RNF114: variants seen among roughly 807,000 people sequenced by gnomAD.
The protein encoded by RNF114 is ring finger protein 114, also known as E3 ubiquitin-protein ligase RNF114.
Under a neutral mutation model 28.4 loss-of-function variants are expected in RNF114, and 6 were observed. The ratio of observed to expected loss-of-function variants is 0.21; its 90% confidence interval spans 0.12 to 0.42. The LOEUF (loss-of-function observed/expected upper bound fraction) is 0.42. RNF114 is among the 10% of genes least tolerant of loss of function. The pLI, the probability that RNF114 is intolerant of heterozygous loss-of-function variation, is 1.00. For missense variants in RNF114, 249 were observed against 311.7 expected (o/e 0.80, Z 1.51); for synonymous variants, 115 against 116.7 (o/e 0.99, Z 0.09).
intron 4 of RNF114, among the ~76,000 whole-genome samples, chr20:49,948,674 G>A (rs1469222679): frequency 6.6e-6 from 1 of 151,964 alleles, no homozygotes; most frequent in East Asian, 1.9e-4. Context: ...CTGACCTCAG[G>A]TGATCTACCG....
At chr20:49,948,181 G>C (rs553099621) in intron 4 of RNF114, among the ~76,000 whole-genome samples, 1 of 152,194 alleles carries the variant, frequency 6.6e-6, no homozygotes, top group East Asian at 1.9e-4. Flanking sequence ...TAGCTCCCCA[G>C]CTACAGCTGC....
At chr20:49,943,407 G>GT (rs1206162438) in intron 2 of RNF114, among the ~76,000 whole-genome samples, 1 of 152,106 alleles carries the variant, frequency 6.6e-6, no homozygotes, top group African/African-American at 2.4e-5. Flanking sequence ...GGAGGCTGAG[G>GT]TGGGAAGATT....
Position 49,936,400 on chromosome 20 carries a change from G to T in RNF114, c.-13G>T. On this transcript the variant is annotated 5_prime_UTR_variant, in exon 1 of 6. Transcript: ENST00000244061. ...TCATCGGCCGCCGTTGCGCGGCGCA[G>T]AGCGGCAGCAAGATGGCGGCGCAAC... 6.7e-7 allele frequency: 1 copy of T among 1,495,290 alleles called. No homozygotes were observed. Among genetic ancestry groups the T allele is most frequent in the South Asian group, 1.3e-5 (1 of 78,502 alleles). 92.6% of individuals were successfully genotyped at this position (1,495,290 alleles called of 1,614,324 possible). A position where few individuals can be genotyped will look rare whatever the true frequency, so the allele number is the denominator to read the frequency against.
chr20:49,947,712 G>C (rs1171417606), intron 4 of RNF114, among the ~76,000 whole-genome samples: 3 of 134,920 alleles, frequency 2.2e-5, no homozygotes, highest in African/African-American at 8.4e-5. Flanking sequence ...TGTTGTCTAT[G>C]TTGAGGCCTT....
chr20:49,947,387 CTG>C (rs2090337008), intron 4 of RNF114, among the ~76,000 whole-genome samples: 1 of 152,036 alleles, frequency 6.6e-6, no homozygotes, highest in African/African-American at 2.4e-5. Context: ...ACTACATACT[CTG>C]TTGTATGGGC....
At chr20:49,943,871 GAGATATATATATATAT>G (rs1217764583) in intron 2 of RNF114, 1 of 65,560 alleles carries the variant, frequency 1.5e-5, no homozygotes, top group Admixed American at 1.7e-4. Flanking sequence ...CATACACACA[GAGATATATATATATAT>G]ATATATATAT....
chr20:49,937,430 A>G (rs947068432), intron 1 of RNF114, among the ~76,000 whole-genome samples: 33 of 152,284 alleles, frequency 2.2e-4, no homozygotes, highest in Admixed American at 1.8e-3. Context: ...GGCAGCGGGC[A>G]CAGTAGCCAT....
chr20:49,943,833 T>TATACACAC (rs769534499), intron 2 of RNF114: 9 of 122,960 alleles, frequency 7.3e-5, no homozygotes, highest in East Asian at 2.6e-4. Context: ...TATATATATA[T>TATACACAC]ACACACACAC....
At chr20:49,946,661 C>A (rs1028392362) in intron 4 of RNF114, among the ~76,000 whole-genome samples, 21 of 152,092 alleles carry the variant, frequency 1.4e-4, no homozygotes, top group Admixed American at 1.3e-3. Flanking sequence ...CCCCCTCCCC[C>A]CAAGGCAGAG....
intron 5 of RNF114, among the ~76,000 whole-genome samples, chr20:49,950,595 A>G (rs755555460): frequency 6.7e-6 from 1 of 150,194 alleles, no homozygotes; most frequent in South Asian, 2.1e-4. Flanking sequence ...GGACAGGAGG[A>G]TCTCTTGAGC....
At chr20:49,941,487 T>C in intron 1 of RNF114, 74 bp from the exon 2 acceptor site, 1 of 1,475,006 alleles carries the variant, frequency 6.8e-7, no homozygotes, top group Non-Finnish European at 9.0e-7. Context: ...TTGATGTCTT[T>C]TTAAAAGTTG....
At position 49,952,794 on chromosome 20, in the gene RNF114, A is replaced by G. The variant is rs1017052363; in HGVS notation, c.*653A>G. ...GCCTGCATGGTGCCTTTTTAGGATA[A>G]GGTATAACCATACATTTTTGGTGGA... On this transcript the variant is annotated 3_prime_UTR_variant, in exon 6 of 6. Transcript: ENST00000244061. 6.5e-6 allele frequency: 1 copy of G among 152,902 alleles called. No individual in the cohort carries two copies. The highest frequency in any genetic ancestry group is 2.4e-5 in the African/African-American group (1 of 41,450). The allele number at this position is 152,902 out of a possible 1,614,324, so 9.5% of individuals were successfully genotyped here. A position where few individuals can be genotyped will look rare whatever the true frequency, so the allele number is the denominator to read the frequency against.
chr20:49,947,795 T>TTTTTTTTTTTTTG (rs2090339569), intron 4 of RNF114, among the ~76,000 whole-genome samples: 1 of 106,608 alleles, frequency 9.4e-6, no homozygotes, highest in African/African-American at 3.7e-5. Context: ...TTTTTTTTTT[T>TTTTTTTTTTTTTG]TTTTTTTTTT....
At position 49,943,651 on chromosome 20, in the gene RNF114, C is replaced by CTTTTTTT. The variant is rs60425763; in HGVS notation, c.292-1712_292-1706dup. Among the ~76,000 whole-genome samples, 225 of 72,142 alleles carry CTTTTTTT rather than the reference C, an allele frequency of 3.1e-3. 11 individuals carry two copies. The highest frequency in any genetic ancestry group is 9.7e-3 in the African/African-American group (164 of 16,856). The allele number at this position is 72,142 out of a possible 152,430, so 47.3% of individuals were successfully genotyped here. ...TTGAAATACAATTCCCTACTGTCTT[C>CTTTTTTT]TTTTTTTTTTTTTTTTTTTTTTTTT... On this transcript the variant is annotated intron_variant, in intron 2 of 5. Coordinates refer to ENST00000244061, the MANE Select transcript of RNF114 (RefSeq NM_018683.4).
At chr20:49,951,982 C>CGGATCCAGTTGCTAGGCTGTCCTGCTTT in intron 5 of RNF114, 94 bp from the exon 6 acceptor site, 1 of 1,054,310 alleles carries the variant, frequency 9.5e-7, no homozygotes, top group Non-Finnish European at 1.5e-6. Flanking sequence ...CAACCTGCTC[C>CGGATCCAGTTGCTAGGCTGTCCTGCTTT]GGATCCAGTT....
chr20:49,946,842 G>A (rs949850562), intron 4 of RNF114, among the ~76,000 whole-genome samples: 1 of 151,762 alleles, frequency 6.6e-6, no homozygotes, highest in Non-Finnish European at 1.5e-5. Context: ...GAGGATTTAG[G>A]TGAAATTATT....
intron 4 of RNF114, among the ~76,000 whole-genome samples, chr20:49,946,507 A>T (rs2090332171): frequency 6.6e-6 from 1 of 152,206 alleles, no homozygotes; most frequent in Admixed American, 6.5e-5. Context: ...TGTATGTCTT[A>T]AGAACAAGAA....
At chr20:49,942,793 C>T (rs765828484) in intron 2 of RNF114, among the ~76,000 whole-genome samples, 7 of 152,114 alleles carry the variant, frequency 4.6e-5, no homozygotes, top group Non-Finnish European at 8.8e-5. Flanking sequence ...CACTGCACTC[C>T]ATCCTGGGTG....
chr20:49,938,134 T>C (rs2090294716), intron 1 of RNF114, among the ~76,000 whole-genome samples: 1 of 152,218 alleles, frequency 6.6e-6, no homozygotes, highest in African/African-American at 2.4e-5. Context: ...AATCCACTTA[T>C]CCTTGGATCA....
Sources: allele counts gnomAD v4.1 joint callset (sites outside exome capture counted in the v4.1 genomes callset), GRCh38; gene constraint gnomAD v4.1.1; transcripts MANE v1.5; gene names NCBI Gene and HGNC (gene_info 2026-07-23, HGNC 2026-07-21).